The following RNF213 variants were observed in gnomAD, a reference collection of about 807,000 sequenced individuals.
The protein encoded by RNF213 is E3 ubiquitin-protein ligase RNF213.
RNF213 carries 341 observed loss-of-function variants against 514.4 expected under a neutral mutation model. That is an observed-to-expected ratio of 0.66 (90% CI 0.61 to 0.73). The LOEUF (loss-of-function observed/expected upper bound fraction) is 0.73, where lower values mean the gene tolerates loss of function less well. Ranked by LOEUF, RNF213 falls within the 30% of genes least tolerant of loss-of-function variation. The pLI, the probability that RNF213 is intolerant of heterozygous loss-of-function variation, is 0.00. For missense variants in RNF213, 5,767 were observed against 6,615.6 expected (o/e 0.87, Z 4.45); for synonymous variants, 2,655 against 2,658.2 (o/e 1.00, Z 0.04).
At chr17:80,284,992 G>A (rs1251144742) in intron 3 of RNF213, among the ~76,000 whole-genome samples, 1 of 152,324 alleles carries the variant, frequency 6.6e-6, no homozygotes, top group East Asian at 1.9e-4. Flanking sequence ...GAGTAAGGCT[G>A]ATGTTACTCA....
chr17:80,283,457 T>C (rs746002215), intron 3 of RNF213, among the ~76,000 whole-genome samples: 4 of 152,214 alleles, frequency 2.6e-5, no homozygotes, highest in Non-Finnish European at 5.9e-5. Context: ...TCTCCTGCAG[T>C]TGCGTCTGCG....
chr17:80,278,981 A>G, intron 3 of RNF213: 14 of 1,519,928 alleles, frequency 9.2e-6, no homozygotes, highest in Non-Finnish European at 1.2e-5. Context: ...TGGCACGGCC[A>G]CCTCGCACTT....
At chr17:80,298,291 G>A (rs369469126) in intron 10 of RNF213, 30 bp from the exon 11 acceptor site, 98 of 1,611,246 alleles carry the variant, frequency 6.1e-5, no homozygotes, top group Non-Finnish European at 1.5e-5. Context: ...GGCCAGCTCA[G>A]CTCACTGCGG....
rs368452080 is a variant in RNF213, at chr17:80,376,294, C to G, written c.13186-7C>G. ...TACATCTTAATGTTAAGTTTTTTTCCTGTCAGCAATGTGAAGCTGTGAGCA... is the reference window on the plus strand; with the variant it reads ...TACATCTTAATGTTAAGTTTTTTTCGTGTCAGCAATGTGAAGCTGTGAGCA... On this transcript the variant is annotated splice_region_variant and splice_polypyrimidine_tract_variant and intron_variant, in intron 51 of 67. Coordinates refer to ENST00000582970, the MANE Select transcript of RNF213 (RefSeq NM_001256071.3). 2.5e-6 allele frequency: 4 copies of G among 1,613,984 alleles called. No individual in the cohort carries two copies. In the East Asian group the frequency reaches 6.7e-5, roughly 27 times the overall value.
chr17:80,359,647 A>T (rs948423520), intron 37 of RNF213, among the ~76,000 whole-genome samples: 4 of 152,096 alleles, frequency 2.6e-5, no homozygotes, highest in Non-Finnish European at 1.5e-5. Flanking sequence ...GAGAGAAAGA[A>T]AGAAATGGAA....
At chr17:80,261,059 C>T (rs1474866011) in intron 1 of RNF213, among the ~76,000 whole-genome samples, 157 bp downstream of exon 1, 1 of 151,904 alleles carries the variant, frequency 6.6e-6, no homozygotes, top group African/African-American at 2.4e-5. Context: ...GTTTCGCCGC[C>T]GGGGTGCCCG....
At position 80,369,628 on chromosome 17, in the gene RNF213, T is replaced by C. The variant is rs1568146144; in HGVS notation, c.12282T>C (p.Ser4094=). The part of the protein sequence containing the change: ...PEKEVIESLL[S]LLFVQKGRLR... ...AGGAAGTGATTGAGAGCCTGCTCTC[T>C]CTCCTCTTCGTCCAAAAGGGGCGCT... Residue 4094 remains serine (S), a synonymous_variant, in exon 45 of 68, where the codon TCT becomes TCC. Transcript: ENST00000582970. 1 of 1,614,226 alleles carries C rather than the reference T, an allele frequency of 6.2e-7. No homozygotes were observed. Among genetic ancestry groups the C allele is most frequent in the Admixed American group, 1.7e-5 (1 of 60,024 alleles).
Position 80,289,604 on chromosome 17 carries a change from A to G in RNF213, c.934-55A>G, listed in dbSNP as rs147532787. On this transcript the variant is annotated intron_variant, in intron 5 of 67. Transcript: ENST00000582970. ...AGACTCTGTCTCAGAAAAAAAAAAA[A>G]AAAAGAAAATGTGGAGGCCGGCCTT... 5,703 of 1,581,024 alleles carry G rather than the reference A, an allele frequency of 3.6e-3. 19 individuals are homozygous for G. The highest frequency in any genetic ancestry group is 4.5e-3 in the African/African-American group (331 of 72,850).
At position 80,313,172 on chromosome 17, in the gene RNF213, G is replaced by A. The variant is rs551800112; in HGVS notation, c.2811+5G>A. On this transcript the variant is annotated splice_donor_5th_base_variant and intron_variant, in intron 15 of 67. Transcript: ENST00000582970. ...ACATACGTCAAGGAAATTGAGGTAGGCATTTGGCCGAAGGCTTCTGGGTAG... is the reference window on the plus strand; with the variant it reads ...ACATACGTCAAGGAAATTGAGGTAGACATTTGGCCGAAGGCTTCTGGGTAG... 6.2e-7 allele frequency: 1 copy of A among 1,614,036 alleles called. No homozygotes were observed. The highest frequency in any genetic ancestry group is 2.2e-5 in the East Asian group (1 of 44,890).
rs2079560286 is a variant in RNF213, at chr17:80,372,625, C to A, written c.12642C>A (p.Gly4214=). Residue 4214 remains glycine, a synonymous_variant, in exon 48 of 68, where the codon GGC becomes GGA. Coordinates refer to ENST00000582970, the MANE Select transcript of RNF213 (RefSeq NM_001256071.3). ...AGGCATATTCTCCAGCAAGCCGGGG[C>A]CGAGAGCCTGCCAACGAGGCCTCGG... ...FLKAYSPASR[G]REPANEASVE... The A allele has an allele frequency of 1.9e-6, 3 of 1,614,046 alleles. No individual in the cohort carries two copies. The Admixed American group carries it at 5.0e-5, about 27-fold the overall frequency.
Position 80,367,943 on chromosome 17 carries a change from G to A in RNF213, c.11973-18G>A. 1 of 1,614,226 alleles carries A rather than the reference G, an allele frequency of 6.2e-7. No individual in the cohort carries two copies. Among genetic ancestry groups the A allele is most frequent in the Non-Finnish European group, 8.5e-7 (1 of 1,180,038 alleles). ...CAGTTTCTCTGCTTCAGAACTGATT[G>A]CCCTTCTTGGATTCTAGGTTTGGGA... On this transcript the variant is annotated intron_variant, in intron 43 of 67. Coordinates refer to ENST00000582970, the MANE Select transcript of RNF213 (RefSeq NM_001256071.3).
chr17:80,390,914 T>G (rs1174183363), intron 67 of RNF213, among the ~76,000 whole-genome samples: 3 of 151,804 alleles, frequency 2.0e-5, no homozygotes, highest in Non-Finnish European at 4.4e-5. Context: ...ATACAAAAAT[T>G]AGCCAGGCAT....
chr17:80,325,908 C>A (rs1015836226), intron 18 of RNF213, among the ~76,000 whole-genome samples: 1 of 151,894 alleles, frequency 6.6e-6, no homozygotes, highest in African/African-American at 2.4e-5. Context: ...AAAAGCTACT[C>A]TCTTGAAAAG....
chr17:80,330,994 T>C (rs1370953335), intron 20 of RNF213, among the ~76,000 whole-genome samples: 1 of 152,192 alleles, frequency 6.6e-6, no homozygotes, highest in Non-Finnish European at 1.5e-5. Context: ...GTTTTTTGTA[T>C]TTTTAGTGGA....
chr17:80,358,549 C>G, intron 37 of RNF213, 70 bp downstream of exon 37: 1 of 1,417,580 alleles, frequency 7.1e-7, no homozygotes, highest in Non-Finnish European at 9.9e-7. Context: ...ATATGCTCTC[C>G]CAAGTGCTGG....
At chr17:80,291,559 C>A in intron 7 of RNF213, 69 bp from the exon 8 acceptor site, 1 of 1,467,670 alleles carries the variant, frequency 6.8e-7, no homozygotes, top group Non-Finnish European at 9.6e-7. Flanking sequence ...CTCCATGCTA[C>A]GTTTGAGAAT....
In RNF213 at chr17:80,306,326, T is replaced by TTA; in HGVS notation, c.2286_2287dup (p.Ser763IlefsTer6). On this transcript the variant is annotated frameshift_variant, in exon 12 of 68. Transcript: ENST00000582970. LOFTEE classifies it high-confidence loss of function. ...GACGAGCCTCTCTTCCGGTCCTGGT[T>TTA]TAGTCTGCTACCTCTGAGTCACCTG... The TTA allele has an allele frequency of 6.2e-7, 1 of 1,614,178 alleles. No individual in the cohort carries two copies. Among genetic ancestry groups the TTA allele is most frequent in the Non-Finnish European group, 8.5e-7 (1 of 1,180,038 alleles).
rs772105432 is a variant in RNF213 at position 80,343,185 on chromosome 17, G to A, written c.6043G>A (p.Val2015Met). The change falls in exon 27 of 68, where the codon GTG becomes ATG. Residue 2015 changes from valine (V) to methionine (M), a missense_variant. By Grantham distance (21) the Val-to-Met change is conservative (BLOSUM62 1). Around this residue, in one of 13 missense-constraint regions of RNF213, gnomAD observed 1,377 missense variants for 1,635.2 expected, o/e 0.84. Transcript: ENST00000582970. This position sits in a 1 kb window ranked among gnomAD's most constrained non-coding sequence, Gnocchi z 4.3. ...LHDKMKMQLN[V>M]KNVPLKTIRL... ...CGACAAAATGAAGATGCAGTTAAAC[G>A]TGAAAAATGTGCCTCTGAAAACAAT... 2.6e-5 allele frequency: 42 copies of A among 1,613,904 alleles called. No individual in the cohort carries two copies. The highest frequency in any genetic ancestry group is 6.7e-5 in the Admixed American group (4 of 59,984).
At chr17:80,320,517 TTTAA>T (rs911320457) in intron 17 of RNF213, 1 of 152,162 alleles carries the variant, frequency 6.6e-6, no homozygotes, top group African/African-American at 2.4e-5. Flanking sequence ...TAAAGAGTCT[TTTAA>T]TTGTTTAAAG....
Sources: allele counts gnomAD v4.1 joint callset (sites outside exome capture counted in the v4.1 genomes callset), GRCh38; gene constraint gnomAD v4.1.1; regional missense constraint gnomAD v4.1.1; non-coding constraint Gnocchi (gnomAD v3.1); transcripts MANE v1.5; gene names NCBI Gene and HGNC (gene_info 2026-07-23, HGNC 2026-07-21).